ABCB7: variants seen among roughly 807,000 people sequenced by gnomAD.
The protein encoded by ABCB7 is ATP binding cassette subfamily B member 7.
A neutral mutation model predicts 54.4 loss-of-function variants in ABCB7; 7 were observed. That is an observed-to-expected ratio of 0.13 (90% confidence interval 0.07 to 0.24). The LOEUF is 0.24. ABCB7 is among the 10% of genes least tolerant of loss of function. The probability of loss-of-function intolerance (pLI) is 1.00; values close to 1 mark genes in which losing one functional copy is unlikely to be tolerated. For synonymous variants in ABCB7, 218 were observed against 207.1 expected, an observed-to-expected ratio of 1.05 and a Z score of -0.45; for missense variants, 356 against 570.4, an observed-to-expected ratio of 0.62 and a Z score of 3.83.
chrX:75,083,512 C>T (rs1035592199), intron 4 of ABCB7, among the ~76,000 whole-genome samples: 3 of 111,238 alleles, frequency 2.7e-5, no homozygotes, highest in Non-Finnish European at 3.8e-5. Flanking sequence ...CCAAATTGGT[C>T]TACATTTTTA....
At chrX:75,078,029 T>G (rs1031214227) in intron 4 of ABCB7, among the ~76,000 whole-genome samples, 2 of 108,273 alleles carry the variant, frequency 1.8e-5, no homozygotes, top group East Asian at 5.9e-4. Flanking sequence ...TTCTTCTGCC[T>G]CAGCCACCTG....
chrX:75,074,829 G>A (rs948467504), intron 6 of ABCB7, among the ~76,000 whole-genome samples: 4 of 110,930 alleles, frequency 3.6e-5, no homozygotes, highest in Non-Finnish European at 7.6e-5. Flanking sequence ...GGACACTGGG[G>A]CCTATTGAGG....
In ABCB7 at chrX:75,156,268, G is replaced by A. The variant is rs759437344; in HGVS notation, c.5C>T (p.Ala2Val). 57 of 1,201,298 alleles carry A rather than the reference G, an allele frequency of 4.7e-5. No individual in the cohort carries two copies. In the Admixed American group the frequency reaches 1.2e-3, roughly 25 times the overall value. Residue 2 changes from alanine (A) to valine (V), a missense_variant, in exon 1 of 16, where the codon GCG becomes GTG. Physicochemically the swap from Ala to Val is moderately conservative, Grantham distance 64 (BLOSUM62 0). Around this residue, in one of 2 missense-constraint regions of ABCB7, gnomAD observed 115 missense variants for 99.5 expected, o/e 1.16. Coordinates refer to ENST00000373394, the MANE Select transcript of ABCB7 (RefSeq NM_001271696.3). ...GCGCCAAGAATGCATCGCGAGCAGC[G>A]CCATCTTGAGCGAGGAAAGAGGAAC... The part of the protein sequence containing the change: M[A>V]LLAMHSWRWA...
chrX:75,145,865 A>G (rs896876242), intron 1 of ABCB7, among the ~76,000 whole-genome samples: 12 of 112,126 alleles, frequency 1.1e-4, no homozygotes. Context: ...AAGCTTTTTA[A>G]TCTGATAAAC....
chrX:75,083,329 G>A (rs972643185), intron 4 of ABCB7, among the ~76,000 whole-genome samples: 2 of 111,338 alleles, frequency 1.8e-5, no homozygotes, highest in African/African-American at 3.3e-5. Flanking sequence ...ATGTCCTCAT[G>A]GAGTCAAAAT....
At chrX:75,128,275 G>A (rs1009839747) in intron 1 of ABCB7, among the ~76,000 whole-genome samples, 1 of 110,673 alleles carries the variant, frequency 9.0e-6, no homozygotes, top group Admixed American at 9.6e-5. Flanking sequence ...AACAGAACAG[G>A]GGCCTCAGAA....
intron 4 of ABCB7, among the ~76,000 whole-genome samples, chrX:75,090,512 C>T (rs184670514): frequency 3.7e-5 from 4 of 108,758 alleles, no homozygotes; most frequent in Admixed American, 9.8e-5. Context: ...AAATTTATAG[C>T]ACTGAATGCA....
chrX:75,068,288 G>C (rs1363648698), intron 12 of ABCB7, among the ~76,000 whole-genome samples: 2 of 111,414 alleles, frequency 1.8e-5, no homozygotes, highest in Non-Finnish European at 3.8e-5. Context: ...TCTGGCTCCA[G>C]AAATCAACTT....
intron 3 of ABCB7, among the ~76,000 whole-genome samples, chrX:75,104,047 G>GTTTTTTTGTTTTTTGTTTT (rs2081663659): frequency 7.4e-5 from 1 of 13,443 alleles, no homozygotes; most frequent in Non-Finnish European, 1.7e-4. Flanking sequence ...TCTTGTTACA[G>GTTTTTTTGTTTTTTGTTTT]TTTTTTTTTT....
chrX:75,094,892 A>G (rs1423053587), intron 4 of ABCB7, among the ~76,000 whole-genome samples: 1 of 110,814 alleles, frequency 9.0e-6, no homozygotes. Context: ...CCGCTAAAAT[A>G]CATCTTATAT....
chrX:75,138,253 CACACGT>C (rs2082027261), intron 1 of ABCB7, among the ~76,000 whole-genome samples: 1 of 105,520 alleles, frequency 9.5e-6, no homozygotes, highest in African/African-American at 3.5e-5. Context: ...CACACACACA[CACACGT>C]GTTCCAACAG....
Position 75,110,951 on chromosome X carries a change from T to G in ABCB7, c.333+1935A>C, listed in dbSNP as rs2081754771. Among the ~76,000 whole-genome samples, 3 of 111,522 alleles carry G rather than the reference T, an allele frequency of 2.7e-5. No homozygotes were observed. In the South Asian group the frequency reaches 1.1e-3, roughly 42 times the overall value. ...TTGTTAGCTGTTAAGAACACACACA[T>G]GTAAATGAATAAAAAGGGAAGCAAA... is the stretch of plus-strand genomic sequence containing the variant. On this transcript the variant is annotated intron_variant, in intron 3 of 15. Coordinates refer to ENST00000373394, the MANE Select transcript of ABCB7 (RefSeq NM_001271696.3).
At chrX:75,145,980 A>G (rs777436145) in intron 1 of ABCB7, among the ~76,000 whole-genome samples, 26 of 112,147 alleles carry the variant, frequency 2.3e-4, no homozygotes, top group Non-Finnish European at 4.3e-4. Context: ...AGATAAAAAA[A>G]TAAAAACAAA....
chrX:75,138,957 G>C lies in ABCB7; in HGVS notation c.168+17148C>G, dbSNP rs928993373. ...CGGGAGGCAGAGATTGCAGTGAGCC[G>C]AGATAGAGCCACTGCACGTCAGCAG... On this transcript the variant is annotated intron_variant, in intron 1 of 15. Coordinates refer to ENST00000373394, the MANE Select transcript of ABCB7 (RefSeq NM_001271696.3). Among the ~76,000 whole-genome samples, 7 of 102,367 alleles carry C rather than the reference G, an allele frequency of 6.8e-5. No individual in the cohort carries two copies. The Admixed American group carries it at 7.5e-4, about 11-fold the overall frequency. The allele number at this position is 102,367 out of a possible 115,157, so 88.9% of individuals were successfully genotyped here. A position where few individuals can be genotyped will look rare whatever the true frequency, so the allele number is the denominator to read the frequency against.
At chrX:75,137,934 C>A (rs910288594) in intron 1 of ABCB7, among the ~76,000 whole-genome samples, 1 of 111,081 alleles carries the variant, frequency 9.0e-6, no homozygotes, top group Non-Finnish European at 1.9e-5. Flanking sequence ...ATGCTAATTA[C>A]CTGGGTGACA....
chrX:75,062,456 A>G, intron 13 of ABCB7, 25 bp from the exon 14 acceptor site: 1 of 1,100,939 alleles, frequency 9.1e-7, no homozygotes, highest in South Asian at 1.8e-5. Flanking sequence ...TTTTACTTTA[A>G]GGAAGCATAG....
rs150273961 is a variant in ABCB7, at chrX:75,065,137, A to C, written c.1764T>G (p.His588Gln). The C allele has an allele frequency of 1.3e-5, 16 of 1,209,308 alleles. No individual in the cohort carries two copies. The highest frequency in any genetic ancestry group is 1.8e-5 in the African/African-American group (1 of 57,088). Residue 588 changes from histidine (H) to glutamine (Q), a missense_variant, in exon 13 of 16, where the codon CAT (histidine) becomes CAG (glutamine). His to Gln is a conservative substitution (Grantham distance 24, BLOSUM62 0). Around this residue, in one of 2 missense-constraint regions of ABCB7, gnomAD observed 241 missense variants for 470.9 expected, o/e 0.51. Coordinates refer to ENST00000373394, the MANE Select transcript of ABCB7 (RefSeq NM_001271696.3). ...CATGTGGCATTCGAAGAATTGCATCATGAAGTCCAGCTAATTTTGCCACTG... is the reference window on the plus strand; with the variant it reads ...CATGTGGCATTCGAAGAATTGCATCCTGAAGTCCAGCTAATTTTGCCACTG... ...VYAVAKLAGL[H>Q]DAILRMPHGY...
intron 1 of ABCB7, among the ~76,000 whole-genome samples, chrX:75,145,823 T>C (rs2082086535): frequency 9.0e-6 from 1 of 111,565 alleles, no homozygotes; most frequent in Non-Finnish European, 1.9e-5. Context: ...GGCATGATCC[T>C]GTATCTAGAA....
chrX:75,101,052 G>A (rs2081635315), intron 3 of ABCB7, among the ~76,000 whole-genome samples: 1 of 81,824 alleles, frequency 1.2e-5, no homozygotes, highest in Admixed American at 1.5e-4. Flanking sequence ...TATTTTTGTG[G>A]GAAAAAATGT....
Sources: allele counts gnomAD v4.1 joint callset (sites outside exome capture counted in the v4.1 genomes callset), GRCh38; gene constraint gnomAD v4.1.1; regional missense constraint gnomAD v4.1.1; transcripts MANE v1.5; gene names NCBI Gene and HGNC (gene_info 2026-07-23, HGNC 2026-07-21).